TXLNB: variants seen among roughly 807,000 people sequenced by gnomAD.
The protein encoded by TXLNB is taxilin beta.
A neutral mutation model predicts 57.4 loss-of-function variants in TXLNB; 37 were observed. The ratio of observed to expected loss-of-function variants is 0.64; its 90% CI spans 0.50 to 0.85. The LOEUF (loss-of-function observed/expected upper bound fraction) is 0.85, where lower values mean the gene tolerates loss of function less well. Ranked by LOEUF, TXLNB falls within the 40% of genes least tolerant of loss-of-function variation. The pLI is 0.00. For synonymous variants in TXLNB, 302 were observed against 309.6 expected, an observed-to-expected ratio of 0.98 and a Z score of 0.26; for missense variants, 848 against 825.6, an observed-to-expected ratio of 1.03 and a Z score of -0.33.
chr6:139,286,304 T>C (rs977221480), intron 2 of TXLNB, among the ~76,000 whole-genome samples: 1 of 150,238 alleles, frequency 6.7e-6, no homozygotes, highest in African/African-American at 2.5e-5. Context: ...TCTCTATGAA[T>C]CTACCTGTCA....
chr6:139,266,656 A>G (rs2114539460), intron 4 of TXLNB, among the ~76,000 whole-genome samples: 1 of 152,310 alleles, frequency 6.6e-6, no homozygotes, highest in South Asian at 2.1e-4. Flanking sequence ...AGGGAAGAAG[A>G]TGGAGAGAAA....
the TXLNB span, among the ~76,000 whole-genome samples, chr6:139,193,982 C>G: frequency 6.6e-6 from 1 of 150,452 alleles, no homozygotes; most frequent in Non-Finnish European, 1.5e-5. Context: ...GCTGGGACTA[C>G]AGGCGCCCGC....
At chr6:139,179,673 A>G in the TXLNB span, 1 of 152,202 alleles carries the variant, frequency 6.6e-6, no homozygotes, top group African/African-American at 2.4e-5. Context: ...ATTCAACACC[A>G]TGAAGATAAA....
At chr6:139,317,864 G>A in the TXLNB span, among the ~76,000 whole-genome samples, 22 of 152,212 alleles carry the variant, frequency 1.4e-4, no homozygotes, top group African/African-American at 4.8e-4. Context: ...GATCACTTGA[G>A]GCCAGGAATT....
the TXLNB span, among the ~76,000 whole-genome samples, chr6:139,318,349 TAA>T: frequency 6.7e-6 from 1 of 148,506 alleles, no homozygotes; most frequent in Non-Finnish European, 1.5e-5. Flanking sequence ...ATGAAAAATA[TAA>T]GAGAAGAAGA....
chr6:139,260,568 G>T, intron 5 of TXLNB, 131 bp from the exon 6 acceptor site: 1 of 975,208 alleles, frequency 1.0e-6, no homozygotes, highest in Non-Finnish European at 1.5e-6. Context: ...TAAATGCATT[G>T]GCATCACTTA....
chr6:139,213,736 C>A, the TXLNB span, among the ~76,000 whole-genome samples: 1 of 151,812 alleles, frequency 6.6e-6, no homozygotes, highest in African/African-American at 2.4e-5. Flanking sequence ...ACTAGCAAGA[C>A]CAATAAAGAA....
At chr6:139,199,018 CT>C in the TXLNB span, among the ~76,000 whole-genome samples, 8 of 149,888 alleles carry the variant, frequency 5.3e-5, no homozygotes, top group Admixed American at 2.0e-4. Context: ...AATGTGCCAT[CT>C]CTTTCATGCT....
At chr6:139,264,093 C>T (rs975133139) in intron 4 of TXLNB, among the ~76,000 whole-genome samples, 1 of 152,074 alleles carries the variant, frequency 6.6e-6, no homozygotes. Flanking sequence ...TGTTATAAAC[C>T]TTTATTAAGC....
At chr6:139,165,730 T>C in the TXLNB span, among the ~76,000 whole-genome samples, 3 of 152,138 alleles carry the variant, frequency 2.0e-5, no homozygotes, top group Admixed American at 6.5e-5. Context: ...TTCTTAAGAA[T>C]TGGGTTAGCG....
At chr6:139,222,445 C>T in the TXLNB span, among the ~76,000 whole-genome samples, 2 of 152,066 alleles carry the variant, frequency 1.3e-5, no homozygotes, top group South Asian at 2.1e-4. Flanking sequence ...ATAAAGATAT[C>T]GCTAGTATAA....
the TXLNB span, chr6:139,167,278 G>A: frequency 7.4e-6 from 12 of 1,611,958 alleles, no homozygotes; most frequent in Admixed American, 1.7e-5. Context: ...TCCTAAGCCC[G>A]TCGAGACATG....
intron 2 of TXLNB, among the ~76,000 whole-genome samples, chr6:139,278,113 A>G (rs976590124): frequency 3.3e-5 from 5 of 152,242 alleles, no homozygotes; most frequent in African/African-American, 1.2e-4. Context: ...TAGGTCTAGA[A>G]GGAATTTCAA....
At chr6:139,233,392 T>C in the TXLNB span, among the ~76,000 whole-genome samples, 2 of 135,242 alleles carry the variant, frequency 1.5e-5, no homozygotes, top group African/African-American at 2.8e-5. Context: ...TATAAATAAA[T>C]ATATATTTTT....
chr6:139,196,228 C>T, the TXLNB span, among the ~76,000 whole-genome samples: 1 of 151,988 alleles, frequency 6.6e-6, no homozygotes, highest in African/African-American at 2.4e-5. Flanking sequence ...GCAAAATTTC[C>T]AGCAACTAAG....
At chr6:139,295,496 C>A (rs1005016070), upstream of TXLNB, among the ~76,000 whole-genome samples, 2 of 152,226 alleles carry the variant, frequency 1.3e-5, no homozygotes, top group South Asian at 2.1e-4. Flanking sequence ...ACCCAAGAAA[C>A]AATAACTCCT....
the TXLNB span, among the ~76,000 whole-genome samples, chr6:139,176,218 T>C: frequency 6.6e-6 from 1 of 152,218 alleles, no homozygotes; most frequent in African/African-American, 2.4e-5. The surrounding 1 kb of genome is among the most constrained non-coding windows in gnomAD (Gnocchi z 4.5). Flanking sequence ...CCATGGTCTT[T>C]GGCATGGTGC....
chr6:139,194,031 C>CG, the TXLNB span, among the ~76,000 whole-genome samples: 1 of 151,084 alleles, frequency 6.6e-6, no homozygotes, highest in Non-Finnish European at 1.5e-5. Context: ...TTAGTAGAGA[C>CG]GGGGTTTCAC....
the TXLNB span, among the ~76,000 whole-genome samples, chr6:139,198,270 T>C: frequency 6.6e-6 from 1 of 151,900 alleles, no homozygotes; most frequent in Non-Finnish European, 1.5e-5. Flanking sequence ...ACTAAATCTA[T>C]GTGGAAGTCT....
Sources: gnomAD v4.1 joint callset for allele counts (sites outside exome capture counted in the v4.1 genomes callset) on GRCh38, gnomAD v4.1.1 for gene constraint, Gnocchi (gnomAD v3.1) non-coding constraint, MANE v1.5 for transcripts, NCBI Gene and HGNC (gene_info 2026-07-23, HGNC 2026-07-21) for gene names.